PDZD4: variants seen among roughly 807,000 people sequenced by gnomAD.
The protein encoded by PDZD4 is PDZ domain-containing protein 4.
A neutral mutation model predicts 38.5 loss-of-function variants in PDZD4; 9 were observed. That is an observed-to-expected ratio of 0.23 (90% confidence interval 0.14 to 0.41). The LOEUF (loss-of-function observed/expected upper bound fraction) is 0.41. Among genes scored for constraint, PDZD4 ranks in the 10% least tolerant of loss-of-function variants. The pLI, the probability that PDZD4 is intolerant of heterozygous loss-of-function variation, is 1.00. For synonymous variants in PDZD4, 349 were observed against 315.7 expected, an observed-to-expected ratio of 1.11 and a Z score of -1.12; for missense variants, 612 against 722.0, an observed-to-expected ratio of 0.85 and a Z score of 1.75.
rs940233866 is a variant in PDZD4 at position 153,803,261 on chromosome X, G to A, written c.*92C>T. On this transcript the variant is annotated 3_prime_UTR_variant, in exon 8 of 8. Transcript: ENST00000393758. ...GTGCGCACAGCGAGCACGCGCGCGCGCACACACACACACACACAATCTCTA... is the reference window on the plus strand; with the variant it reads ...GTGCGCACAGCGAGCACGCGCGCGCACACACACACACACACACAATCTCTA... The A allele has an allele frequency of 3.5e-4, 199 of 576,681 alleles. No individual in the cohort carries two copies. Among genetic ancestry groups the A allele is most frequent in the South Asian group, 6.7e-4 (11 of 16,520 alleles). 47.5% of individuals were successfully genotyped at this position (576,681 alleles called of 1,213,427 possible). A position where few individuals can be genotyped will look rare whatever the true frequency, so the allele number is the denominator to read the frequency against.
chrX:153,815,565 G>GTAA lies in PDZD4; in HGVS notation c.61-6973_61-6971dup. Among the ~76,000 whole-genome samples the GTAA allele has an allele frequency of 2.7e-5, 3 of 112,842 alleles. No homozygotes were observed. The Middle Eastern group carries it at 0.014, about 518-fold the overall frequency. On this transcript the variant is annotated intron_variant, in intron 1 of 7. Coordinates refer to ENST00000393758, the MANE Select transcript of PDZD4 (RefSeq NM_001303512.2). ...GCTCTAAGTAATTTAGTCTAAAACA[G>GTAA]TAATAATAATAATGGATATTACATG...
Position 153,804,382 on chromosome X carries a change from C to G in PDZD4, c.1299G>C (p.Glu433Asp). The G allele has an allele frequency of 8.3e-7, 1 of 1,209,272 alleles. No homozygotes were observed. The highest frequency in any genetic ancestry group is 1.1e-6 in the Non-Finnish European group (1 of 895,481). The change falls in exon 8 of 8, where the codon GAG becomes GAC. Residue 433 changes from glutamate (E) to aspartate (D), a missense_variant. Glu to Asp is a conservative substitution (Grantham distance 45). Around this residue, in one of 3 missense-constraint regions of PDZD4, gnomAD observed 300 missense variants for 284.6 expected, o/e 1.05. Coordinates refer to ENST00000393758, the MANE Select transcript of PDZD4 (RefSeq NM_001303512.2). ...LRAQKMQQLR[E>D]RCMKAWLLEE... Reference sequence around the variant, plus strand: ...CCAGCAGCCAGGCCTTCATGCAGCGCTCACGCAGCTGCTGCATCTTCTGCG... The same window carrying G: ...CCAGCAGCCAGGCCTTCATGCAGCGGTCACGCAGCTGCTGCATCTTCTGCG...
chrX:153,827,679 C>G (rs150287895), intron 1 of PDZD4, among the ~76,000 whole-genome samples: 1,467 of 111,282 alleles, frequency 0.013, 38 homozygotes, highest in African/African-American at 0.044. Context: ...TGGTGGGTGC[C>G]AGGGGCTAGG....
intron 1 of PDZD4, among the ~76,000 whole-genome samples, chrX:153,818,239 C>G (rs1300179808): frequency 9.1e-6 from 1 of 110,254 alleles, no homozygotes; most frequent in Non-Finnish European, 1.9e-5. Flanking sequence ...GAGCAAGACT[C>G]CGTCTCAAAC....
chrX:153,819,386 G>T (rs781811483), intron 1 of PDZD4, among the ~76,000 whole-genome samples: 1 of 112,935 alleles, frequency 8.9e-6, no homozygotes, highest in African/African-American at 3.2e-5. Context: ...GTTGTGGCCT[G>T]GGAGACTCGC....
rs944789768 is a variant in PDZD4 at position 153,829,328 on chromosome X, G to A, written c.60+911C>T. The stretch of plus-strand genomic sequence containing the variant: ...TTCCCAGTCCAGACCAATAAACCCG[G>A]GAGTTGAATCCAGGCCACTAAACGC... On this transcript the variant is annotated intron_variant, in intron 1 of 7. Transcript: ENST00000393758. Among the ~76,000 whole-genome samples the A allele has an allele frequency of 5.5e-5, 6 of 110,040 alleles. No individual in the cohort carries two copies. The East Asian group carries it at 1.4e-3, about 26-fold the overall frequency.
chrX:153,820,804 C>A (rs971773175), intron 1 of PDZD4, among the ~76,000 whole-genome samples: 1 of 111,347 alleles, frequency 9.0e-6, no homozygotes, highest in Non-Finnish European at 1.9e-5. Context: ...CTGCATCTGG[C>A]GGCTGGCAGG....
chrX:153,814,580 G>A (rs1401664800), intron 1 of PDZD4, among the ~76,000 whole-genome samples: 4 of 107,847 alleles, frequency 3.7e-5, no homozygotes, highest in Non-Finnish European at 7.6e-5. Flanking sequence ...TGGGGAGAGT[G>A]GGGATTGTTG....
chrX:153,805,602 T>C lies in PDZD4; in HGVS notation c.572A>G (p.Asn191Ser). 8.3e-7 allele frequency: 1 copy of C among 1,204,053 alleles called. No homozygotes were observed. The highest frequency in any genetic ancestry group is 1.1e-6 in the Non-Finnish European group (1 of 889,724). Residue 191 changes from asparagine to serine, a missense_variant, in exon 6 of 8, where the codon AAC (asparagine) becomes AGC (serine). This residue lies in a region of PDZD4 where 225 missense variants were observed against 311.0 expected (regional missense o/e 0.72). Transcript: ENST00000393758. ...TTCCCGGTTCTGGACGTCTACACCG[T>C]TAATCTGAGGCAGGCAGGATACAAT... ...IREGDRIIQI[N>S]GVDVQNREEA...
At chrX:153,814,286 C>CAACACA (rs1398066830) in intron 1 of PDZD4, among the ~76,000 whole-genome samples, 1 of 111,432 alleles carries the variant, frequency 9.0e-6, no homozygotes, top group African/African-American at 3.3e-5. Flanking sequence ...CCAGCCTGGC[C>CAACACA]AACACAGTGA....
chrX:153,806,095 G>GA lies in PDZD4; in HGVS notation c.542dup (p.Arg182ProfsTer2). 1.7e-6 allele frequency: 2 copies of GA among 1,211,839 alleles called. No homozygotes were observed. Among genetic ancestry groups the GA allele is most frequent in the Non-Finnish European group, 2.2e-6 (2 of 895,517 alleles). Reference sequence around the variant, plus strand: ...CCTGGATGATGCGGTCTCCCTCACGGATCCGGCCGTCTTTGGCTGCAATGC... The same window carrying GA: ...CCTGGATGATGCGGTCTCCCTCACGGAATCCGGCCGTCTTTGGCTGCAATGC... On this transcript the variant is annotated frameshift_variant, in exon 5 of 8. Transcript: ENST00000393758. LOFTEE classifies it high-confidence loss of function.
intron 1 of PDZD4, among the ~76,000 whole-genome samples, chrX:153,818,906 G>A (rs1204591848): frequency 1.8e-5 from 2 of 111,881 alleles, no homozygotes; most frequent in Non-Finnish European, 3.8e-5. Flanking sequence ...GGACAGGGGA[G>A]GGGGCAACAC....
In PDZD4 at chrX:153,803,512, C is replaced by T; in HGVS notation, c.2169G>A (p.Glu723=). The T allele has an allele frequency of 1.7e-6, 2 of 1,192,168 alleles. No homozygotes were observed. The highest frequency in any genetic ancestry group is 2.4e-4 in the Middle Eastern group (1 of 4,249). The change falls in exon 8 of 8, where the codon GAG becomes GAA. Residue 723 remains glutamate, a synonymous_variant. Coordinates refer to ENST00000393758, the MANE Select transcript of PDZD4 (RefSeq NM_001303512.2). ...REQQNGDSKP[E]LNIIALSHRK... Reference sequence around the variant, plus strand: ...GGTGGCTCAGGGCAATGATGTTGAGCTCGGGCTTGCTGTCGCCATTCTGCT... The same window carrying T: ...GGTGGCTCAGGGCAATGATGTTGAGTTCGGGCTTGCTGTCGCCATTCTGCT...
At chrX:153,829,756 C>T in intron 1 of PDZD4, 2 of 755,561 alleles carry the variant, frequency 2.6e-6, no homozygotes, top group Non-Finnish European at 3.1e-6. Context: ...GGCCCGGGAG[C>T]CCATCGTTCG....
At chrX:153,824,541 G>A (rs1477867697) in intron 1 of PDZD4, among the ~76,000 whole-genome samples, 1 of 111,367 alleles carries the variant, frequency 9.0e-6, no homozygotes, top group East Asian at 2.8e-4. Context: ...ATGCAAGCAG[G>A]AGGGAGCCAG....
In PDZD4 at chrX:153,804,309, C is replaced by G; in HGVS notation, c.1372G>C (p.Glu458Gln). The G allele has an allele frequency of 1.7e-6, 2 of 1,207,840 alleles. No individual in the cohort carries two copies. The highest frequency in any genetic ancestry group is 2.2e-6 in the Non-Finnish European group (2 of 894,557). Reference sequence around the variant, plus strand: ...GGCAGCTCGGAGATGTCGGACAGCTCGTGCTTCTTGGGCTCGCTGGCCGCC... The same window carrying G: ...GGCAGCTCGGAGATGTCGGACAGCTGGTGCTTCTTGGGCTCGCTGGCCGCC... ...DLAASEPKKH[E>Q]LSDISELPEK... Residue 458 changes from glutamate to glutamine, a missense_variant, in exon 8 of 8, where the codon GAG becomes CAG. Physicochemically the swap from Glu to Gln is conservative, Grantham distance 29. Coordinates refer to ENST00000393758, the MANE Select transcript of PDZD4 (RefSeq NM_001303512.2).
In PDZD4 at chrX:153,826,055, A is replaced by G. The variant is rs1418709126; in HGVS notation, c.60+4184T>C. On this transcript the variant is annotated intron_variant, in intron 1 of 7. Coordinates refer to ENST00000393758, the MANE Select transcript of PDZD4 (RefSeq NM_001303512.2). ...AACATGGCAAAAGCTCGTCTCTGCT[A>G]AAAATACAAAAATTAGCTGGGTGTG... 2.7e-5 allele frequency among the ~76,000 whole-genome samples: 3 copies of G among 110,449 alleles called. No individual in the cohort carries two copies. The Admixed American group carries it at 2.9e-4, about 11-fold the overall frequency.
intron 1 of PDZD4, among the ~76,000 whole-genome samples, chrX:153,825,863 A>G (rs186746937): frequency 8.9e-6 from 1 of 112,484 alleles, no homozygotes; most frequent in East Asian, 2.8e-4. Context: ...AAAGACATTC[A>G]CAGGCACTTC....
intron 1 of PDZD4, among the ~76,000 whole-genome samples, chrX:153,818,067 G>A (rs1389621647): frequency 8.9e-6 from 1 of 112,096 alleles, no homozygotes; most frequent in Non-Finnish European, 1.9e-5. Context: ...CCAACATGGC[G>A]AAACCCTATC....
Sources: allele counts gnomAD v4.1 joint callset (sites outside exome capture counted in the v4.1 genomes callset), GRCh38; gene constraint gnomAD v4.1.1; regional missense constraint gnomAD v4.1.1; transcripts MANE v1.5; gene names NCBI Gene and HGNC (gene_info 2026-07-23, HGNC 2026-07-21).